Variants in ANKHD1 observed in about 807,000 individuals in gnomAD.
The protein encoded by ANKHD1 is ankyrin repeat and KH domain containing 1.
ANKHD1 carries 31 observed loss-of-function variants against 230.5 expected under a neutral mutation model. That is an observed-to-expected ratio of 0.13 (90% CI 0.10 to 0.18). ANKHD1 has a LOEUF of 0.18. Ranked by LOEUF, ANKHD1 falls within the 10% of genes least tolerant of loss-of-function variation. ANKHD1 has a pLI of 1.00. For missense variants in ANKHD1, 2,256 were observed against 3,071.3 expected, an observed-to-expected ratio of 0.73 and a Z score of 6.27; for synonymous variants, 1,074 against 1,117.6, an observed-to-expected ratio of 0.96 and a Z score of 0.78.
intron 11 of ANKHD1, 106 bp downstream of exon 11, chr5:140,482,773 T>C (rs1751342022): frequency 4.3e-6 from 5 of 1,159,134 alleles, no homozygotes. Flanking sequence ...CAGTAAAGTA[T>C]TGTATTCTTG....
chr5:140,527,311 T>A lies in ANKHD1; in HGVS notation c.5087+237T>A. ...TGGATAACCTCAGTTGCTTTTTATG[T>A]AGTTCAAATGTAAAGGCTTTCTCTT... On this transcript the variant is annotated intron_variant, in intron 27 of 33. Coordinates refer to ENST00000360839, the MANE Select transcript of ANKHD1 (RefSeq NM_017747.3). The surrounding 1 kb of genome is among the most constrained non-coding windows in gnomAD (Gnocchi z 4.5). 1 of 431,080 alleles carries A rather than the reference T, an allele frequency of 2.3e-6. No individual in the cohort carries two copies. Among genetic ancestry groups the A allele is most frequent in the Non-Finnish European group, 3.9e-6 (1 of 255,986 alleles). The allele number at this position is 431,080 out of a possible 1,614,324, so 26.7% of individuals were successfully genotyped here.
chr5:140,457,396 G>C (rs1440766480), intron 7 of ANKHD1, among the ~76,000 whole-genome samples: 1 of 152,238 alleles, frequency 6.6e-6, no homozygotes, highest in Non-Finnish European at 1.5e-5. Context: ...TATAAAGACA[G>C]ATGCACACAT....
rs200029266 is a variant in ANKHD1 at position 140,527,017 on chromosome 5, T to A, written c.5030T>A (p.Leu1677His). The A allele has an allele frequency of 6.2e-6, 10 of 1,613,756 alleles. No homozygotes were observed. The highest frequency in any genetic ancestry group is 8.5e-6 in the Non-Finnish European group (10 of 1,179,848). Residue 1677 changes from leucine (L) to histidine (H), a missense_variant, in exon 27 of 34, where the codon CTC becomes CAC. By Grantham distance (99) the Leu-to-His change is moderately conservative (BLOSUM62 -3). Transcript: ENST00000360839. The surrounding 1 kb of genome is among the most constrained non-coding windows in gnomAD (Gnocchi z 4.5). ...AGCTCTCCAAACATAAAGCTGAATC[T>A]CACTAGCCCTAAAAGGGGTCAGAAA... ...PLSSPNIKLN[L>H]TSPKRGQKRE...
intron 10 of ANKHD1, among the ~76,000 whole-genome samples, chr5:140,468,280 A>C (rs897463240): frequency 6.6e-6 from 1 of 151,416 alleles, no homozygotes; most frequent in African/African-American, 2.4e-5. Context: ...AAAACAAAAA[A>C]AAACAAAAAA....
rs189987784 is a variant in ANKHD1, at chr5:140,450,346, A to T, written c.1242+1041A>T. Among the ~76,000 whole-genome samples, 303 of 148,634 alleles carry T rather than the reference A, an allele frequency of 2.0e-3. 1 individual carries two copies. Among genetic ancestry groups the T allele is most frequent in the African/African-American group, 7.1e-3 (285 of 40,098 alleles). On this transcript the variant is annotated intron_variant, in intron 7 of 33. Coordinates refer to ENST00000360839, the MANE Select transcript of ANKHD1 (RefSeq NM_017747.3). ...AGTCTTGCTCTGTTGCCCAGGCTGG[A>T]GTGCAGTGGTGTGATCTTAGCTCAC...
rs73791725 is a variant in ANKHD1 at position 140,473,995 on chromosome 5, T to G, written c.1783-8585T>G. ...ATGACAAGTTCTCCATATTTTACAC[T>G]TTGAGACATTGGTAGAGGCCATACA... On this transcript the variant is annotated intron_variant, in intron 10 of 33. Transcript: ENST00000360839. Among the ~76,000 whole-genome samples the G allele has an allele frequency of 4.4e-3, 670 of 152,326 alleles. 4 individuals carry two copies. Among genetic ancestry groups the G allele is most frequent in the African/African-American group, 0.016 (649 of 41,572 alleles).
chr5:140,409,913 A>T (rs541472182), intron 1 of ANKHD1, among the ~76,000 whole-genome samples: 160 of 152,294 alleles, frequency 1.1e-3, no homozygotes, highest in African/African-American at 3.8e-3. Flanking sequence ...TAAAGCCTTA[A>T]GACTTTACAT....
chr5:140,444,102 T>C (rs1385213929), intron 5 of ANKHD1, among the ~76,000 whole-genome samples: 7 of 144,516 alleles, frequency 4.8e-5, no homozygotes, highest in African/African-American at 1.5e-4. Context: ...TTTTTTTTTT[T>C]TTAGCTGAAA....
chr5:140,442,725 A>G (rs918978273), intron 5 of ANKHD1, among the ~76,000 whole-genome samples: 4 of 152,176 alleles, frequency 2.6e-5, no homozygotes, highest in Non-Finnish European at 5.9e-5. Context: ...CATTTCAGAA[A>G]TGCTGAGAAG....
rs755776792 is a variant in ANKHD1, at chr5:140,401,887, T to C, written c.-81T>C. 3 of 1,483,102 alleles carry C rather than the reference T, an allele frequency of 2.0e-6. No homozygotes were observed. The highest frequency in any genetic ancestry group is 2.7e-6 in the Non-Finnish European group (3 of 1,124,820). The allele number at this position is 1,483,102 out of a possible 1,614,324, so 91.9% of individuals were successfully genotyped here. A position where few individuals can be genotyped will look rare whatever the true frequency, so the allele number is the denominator to read the frequency against. ...GGGGAAAGGAGACGCTTCTTCCTCT[T>C]GCTGCTCTTCTCGTTCCCGAGATCA... is the stretch of plus-strand genomic sequence containing the variant. On this transcript the variant is annotated 5_prime_UTR_variant, in exon 1 of 34. Transcript: ENST00000360839.
intron 1 of ANKHD1, among the ~76,000 whole-genome samples, chr5:140,417,312 G>C (rs193088007): frequency 6.6e-6 from 1 of 151,484 alleles, no homozygotes; most frequent in Non-Finnish European, 1.5e-5. Flanking sequence ...TGAACCTGTA[G>C]TTATCATTAT....
At chr5:140,409,249 T>C (rs752906982) in intron 1 of ANKHD1, among the ~76,000 whole-genome samples, 2 of 152,232 alleles carry the variant, frequency 1.3e-5, no homozygotes, top group Non-Finnish European at 2.9e-5. Context: ...TAGAAGGTAC[T>C]GAAAGGTTTA....
chr5:140,510,284 G>GAAA lies in ANKHD1; in HGVS notation c.4104+106_4104+108dup, dbSNP rs1335490881. The GAAA allele has an allele frequency of 1.2e-5, 10 of 843,640 alleles. No homozygotes were observed. The East Asian group carries it at 3.2e-4, about 27-fold the overall frequency. The allele number at this position is 843,640 out of a possible 1,614,324, so 52.3% of individuals were successfully genotyped here. ...TTGGAGAATTGAGTATATTTCCATA[G>GAAA]AAAAATCACTGCTATCTTTCCATTC... On this transcript the variant is annotated intron_variant, in intron 22 of 33. Transcript: ENST00000360839.
Position 140,441,156 on chromosome 5 carries a change from G to T in ANKHD1, c.913+14G>T. The T allele has an allele frequency of 6.5e-7, 1 of 1,542,554 alleles. No homozygotes were observed. The highest frequency in any genetic ancestry group is 8.7e-7 in the Non-Finnish European group (1 of 1,148,140). On this transcript the variant is annotated intron_variant, in intron 5 of 33. Coordinates refer to ENST00000360839, the MANE Select transcript of ANKHD1 (RefSeq NM_017747.3). The stretch of plus-strand genomic sequence containing the variant: ...AGTCTGCAACAGGTATGTAGAAAAT[G>T]ATGTATTAATTGGGAGAAAAAATTG...
chr5:140,483,063 G>A (rs182616325), intron 11 of ANKHD1, among the ~76,000 whole-genome samples: 2 of 152,050 alleles, frequency 1.3e-5, no homozygotes, highest in African/African-American at 4.8e-5. Flanking sequence ...GTTTGTAAGG[G>A]TCTTATTTAT....
intron 11 of ANKHD1, chr5:140,484,894 G>T: frequency 1.9e-6 from 1 of 533,124 alleles, no homozygotes; most frequent in Non-Finnish European, 2.7e-6. Context: ...CTGAAAGGGA[G>T]CACAAGATGG....
rs545201855 is a variant in ANKHD1, at chr5:140,487,002, C to G, written c.2187C>G (p.Pro729=). 1 of 1,613,520 alleles carries G rather than the reference C, an allele frequency of 6.2e-7. No homozygotes were observed. The highest frequency in any genetic ancestry group is 1.1e-5 in the South Asian group (1 of 91,030). The change falls in exon 14 of 34, where the codon CCC becomes CCG. Residue 729 remains proline, a synonymous_variant. Coordinates refer to ENST00000360839, the MANE Select transcript of ANKHD1 (RefSeq NM_017747.3). ...PTHTLAMVVP[P]QEPDRTSQEN... ...ATACACTTGCCATGGTTGTACCTCC[C>G]CAGGAACCTGACAGAACTTCACAGG...
chr5:140,453,748 A>G (rs888848510), intron 7 of ANKHD1, among the ~76,000 whole-genome samples: 1 of 152,240 alleles, frequency 6.6e-6, no homozygotes, highest in South Asian at 2.1e-4. Flanking sequence ...GGTACCAGCC[A>G]CTGCAAAATC....
chr5:140,517,647 C>T (rs750381314), intron 24 of ANKHD1, among the ~76,000 whole-genome samples: 719 of 123,368 alleles, frequency 5.8e-3, no homozygotes, highest in Non-Finnish European at 7.9e-3. Flanking sequence ...CACTCAAAAC[C>T]GCTCAACTAC....
Sources: gnomAD v4.1 joint callset for allele counts (sites outside exome capture counted in the v4.1 genomes callset) on GRCh38, gnomAD v4.1.1 for gene constraint, Gnocchi (gnomAD v3.1) non-coding constraint, MANE v1.5 for transcripts, NCBI Gene and HGNC (gene_info 2026-07-23, HGNC 2026-07-21) for gene names.